Variants in ZMYND11 observed in about 807,000 individuals in gnomAD.
ZMYND11 encodes zinc finger MYND domain-containing protein 11.
A neutral mutation model predicts 84.9 loss-of-function variants in ZMYND11; 9 were observed. That is an observed-to-expected ratio of 0.11 (90% CI 0.06 to 0.18). The LOEUF is 0.18. ZMYND11 is among the 10% of genes least tolerant of loss of function. The pLI is 1.00. For missense variants in ZMYND11, 409 were observed against 761.0 expected (o/e 0.54, Z 5.44); for synonymous variants, 250 against 244.1 (o/e 1.02, Z -0.23).
In ZMYND11 at chr10:253,510, A is replaced by G. The variant is rs1457486581; in HGVS notation, c.*1040A>G. ...GAATAATGCATGTTAATTTTCTTGT[A>G]TTAAAGATGCCGTGATTTGTAAAAA... On this transcript the variant is annotated 3_prime_UTR_variant, in exon 15 of 15. Transcript: ENST00000381604. 3 of 152,798 alleles carry G rather than the reference A, an allele frequency of 2.0e-5. No individual in the cohort carries two copies. In the East Asian group the frequency reaches 5.8e-4, roughly 29 times the overall value. The allele number at this position is 152,798 out of a possible 1,614,324, so 9.5% of individuals were successfully genotyped here. A position where few individuals can be genotyped will look rare whatever the true frequency, so the allele number is the denominator to read the frequency against.
chr10:224,347 A>G (rs1947708064), intron 4 of ZMYND11, among the ~76,000 whole-genome samples: 1 of 152,202 alleles, frequency 6.6e-6, no homozygotes, highest in Admixed American at 6.5e-5. Flanking sequence ...AGAATCTATA[A>G]CCCTAAGAAT....
At chr10:179,650 C>T (rs543976780) in intron 1 of ZMYND11, among the ~76,000 whole-genome samples, 1 of 152,120 alleles carries the variant, frequency 6.6e-6, no homozygotes, top group East Asian at 1.9e-4. Context: ...ACAAACAACG[C>T]GATGTCAACA....
At chr10:199,899 C>T (rs896102890) in intron 2 of ZMYND11, among the ~76,000 whole-genome samples, 1 of 150,424 alleles carries the variant, frequency 6.6e-6, no homozygotes, top group Non-Finnish European at 1.5e-5. Flanking sequence ...GGGTCTTGTT[C>T]TGTCATCCAG....
chr10:181,249 G>C (rs1847828601), intron 2 of ZMYND11, among the ~76,000 whole-genome samples: 2 of 151,982 alleles, frequency 1.3e-5, no homozygotes, highest in Non-Finnish European at 2.9e-5. Flanking sequence ...TGCTTTTTTT[G>C]GCCTTTATTA....
At chr10:239,385 C>A in intron 6 of ZMYND11, 53 bp from the exon 7 acceptor site, 1 of 1,457,820 alleles carries the variant, frequency 6.9e-7, no homozygotes, top group Non-Finnish European at 9.6e-7. Context: ...TTAGTCCAGA[C>A]AAGTATTTTT....
intron 2 of ZMYND11, among the ~76,000 whole-genome samples, chr10:184,770 G>A (rs754150280): frequency 3.3e-5 from 5 of 152,154 alleles, no homozygotes; most frequent in Admixed American, 6.5e-5. Context: ...TTGTGGCAGG[G>A]CAGAGTGGTT....
intron 1 of ZMYND11, among the ~76,000 whole-genome samples, chr10:151,497 A>G (rs556731634): frequency 6.6e-6 from 1 of 152,244 alleles, no homozygotes; most frequent in Non-Finnish European, 1.5e-5. Flanking sequence ...AAATAAATCC[A>G]CAAGAGGAGT....
chr10:197,838 CTGCTGT>C, intron 2 of ZMYND11: 2 of 474,450 alleles, frequency 4.2e-6, no homozygotes, highest in South Asian at 7.1e-5. Context: ...AAACAGTACT[CTGCTGT>C]TACTTTTACT....
At chr10:174,820 C>T (rs527282779) in intron 1 of ZMYND11, among the ~76,000 whole-genome samples, 2 of 151,776 alleles carry the variant, frequency 1.3e-5, no homozygotes, top group South Asian at 2.1e-4. Context: ...ACTACAGTGG[C>T]ACATGCTTGT....
chr10:178,811 T>G (rs1455470685), intron 1 of ZMYND11, among the ~76,000 whole-genome samples: 1 of 152,186 alleles, frequency 6.6e-6, no homozygotes, highest in South Asian at 2.1e-4. Context: ...TTTAGGAGCC[T>G]GACTGACCCA....
chr10:181,213 T>C (rs977740593), intron 2 of ZMYND11, among the ~76,000 whole-genome samples: 2 of 152,178 alleles, frequency 1.3e-5, no homozygotes, highest in African/African-American at 4.8e-5. Context: ...AGAATGGGAG[T>C]AATTTACAAA....
intron 1 of ZMYND11, among the ~76,000 whole-genome samples, chr10:174,447 A>G (rs1554766428): frequency 1.3e-5 from 2 of 152,268 alleles, no homozygotes; most frequent in Admixed American, 6.5e-5. Flanking sequence ...CAGTGGAACT[A>G]TTCTGTATGG....
At chr10:205,891 CTT>C (rs1265829274) in intron 2 of ZMYND11, among the ~76,000 whole-genome samples, 1 of 150,946 alleles carries the variant, frequency 6.6e-6, no homozygotes, top group East Asian at 1.9e-4. Context: ...GCGTGTATAA[CTT>C]TTGGAATCTC....
At chr10:241,715 C>T (rs1329366546) in intron 9 of ZMYND11, among the ~76,000 whole-genome samples, 1 of 150,892 alleles carries the variant, frequency 6.6e-6, no homozygotes, top group African/African-American at 2.5e-5. Context: ...AACAAATTCC[C>T]AGGGGTGCTG....
At chr10:249,206 G>A in intron 14 of ZMYND11, 118 bp downstream of exon 14, 1 of 1,532,244 alleles carries the variant, frequency 6.5e-7, no homozygotes, top group East Asian at 2.4e-5. Flanking sequence ...AAGATCAAAT[G>A]TGAAATGGTC....
chr10:215,974 A>G (rs996682314), intron 3 of ZMYND11, among the ~76,000 whole-genome samples: 13 of 152,304 alleles, frequency 8.5e-5, no homozygotes, highest in Non-Finnish European at 1.6e-4. Context: ...TCTTAAAGAG[A>G]TTAACCTATT....
chr10:242,526 G>A (rs555091057), intron 10 of ZMYND11, among the ~76,000 whole-genome samples: 6 of 152,218 alleles, frequency 3.9e-5, no homozygotes, highest in East Asian at 1.9e-4. Flanking sequence ...GACTAAAATC[G>A]TCAATCTTGT....
At chr10:180,303 C>T (rs1847580500) in intron 2 of ZMYND11, among the ~76,000 whole-genome samples, 175 bp downstream of exon 2, 2 of 152,256 alleles carry the variant, frequency 1.3e-5, no homozygotes, top group Admixed American at 1.3e-4. Context: ...ACACAAACAA[C>T]TTGTGTTTAG....
intron 9 of ZMYND11, 82 bp downstream of exon 9, chr10:241,052 C>G: frequency 8.6e-7 from 1 of 1,158,078 alleles, no homozygotes; most frequent in Non-Finnish European, 1.2e-6. Flanking sequence ...TTATAATTTT[C>G]TTCCTAAATT....
Sources: gnomAD v4.1 joint callset for allele counts (sites outside exome capture counted in the v4.1 genomes callset) on GRCh38, gnomAD v4.1.1 for gene constraint, MANE v1.5 for transcripts, NCBI Gene and HGNC (gene_info 2026-07-23, HGNC 2026-07-21) for gene names.